CA5A: variants seen among roughly 807,000 people sequenced by gnomAD.
The protein encoded by CA5A is carbonic anhydrase 5A, also known as carbonic anhydrase 5A, mitochondrial.
In CA5A, 28 loss-of-function variants were observed where a neutral mutation model predicts 37.1. That is an observed-to-expected ratio of 0.75 (90% confidence interval 0.56 to 1.03). The LOEUF (loss-of-function observed/expected upper bound fraction) is 1.03. Among genes scored for constraint, CA5A ranks in the 50% least tolerant of loss-of-function variants. The pLI is 0.00. For missense variants in CA5A, 444 were observed against 399.9 expected (o/e 1.11, Z -0.94); for synonymous variants, 171 against 158.4 (o/e 1.08, Z -0.60).
At chr16:87,917,723 GCA>G (rs781369568) in intron 2 of CA5A, among the ~76,000 whole-genome samples, 4 of 74,636 alleles carry the variant, frequency 5.4e-5, no homozygotes, top group South Asian at 5.6e-4. Flanking sequence ...ATGAACACGT[GCA>G]CACACACATG....
chr16:87,899,546 G>A (rs1016866709), intron 5 of CA5A, among the ~76,000 whole-genome samples: 19 of 150,644 alleles, frequency 1.3e-4, no homozygotes, highest in African/African-American at 1.9e-4. Flanking sequence ...CAAGTGATAA[G>A]CCCGCCTTGG....
downstream of CA5A, chr16:87,887,832 A>G (rs2055660976): frequency 1.1e-5 from 3 of 281,016 alleles, no homozygotes; most frequent in South Asian, 2.3e-4. Flanking sequence ...ACTGAACCGT[A>G]AGAGAATCAA....
chr16:87,882,753 G>A (rs111836417), intron 4 of CA5A: 4,177 of 152,448 alleles, frequency 0.027, 59 homozygotes, highest in African/African-American at 0.049. Context: ...CGATGGAATC[G>A]AAGTCAGGCG....
At chr16:87,928,892 C>T (rs2056356174) in intron 1 of CA5A, among the ~76,000 whole-genome samples, 1 of 149,882 alleles carries the variant, frequency 6.7e-6, no homozygotes, top group Non-Finnish European at 1.5e-5. Flanking sequence ...CCTCAGCCTC[C>T]TGAGTAGCTC....
At chr16:87,898,624 T>A (rs978613102) in intron 5 of CA5A, among the ~76,000 whole-genome samples, 35 of 152,270 alleles carry the variant, frequency 2.3e-4, no homozygotes, top group African/African-American at 8.4e-4. Flanking sequence ...GACTTGAGTG[T>A]GTGAGTGTTG....
intron 2 of CA5A, among the ~76,000 whole-genome samples, 183 bp from the exon 3 acceptor site, chr16:87,905,087 GC>G (rs796364163): frequency 0.026 from 3,915 of 151,352 alleles, 109 homozygotes; most frequent in Non-Finnish European, 0.032. Context: ...CATTCACTCT[GC>G]CCCCCCCCAG....
At chr16:87,927,788 G>C (rs1407378696) in intron 1 of CA5A, among the ~76,000 whole-genome samples, 1 of 151,100 alleles carries the variant, frequency 6.6e-6, no homozygotes, top group East Asian at 2.0e-4. Flanking sequence ...GTGAACCCAG[G>C]AGGCAGAGGT....
chr16:87,895,890 T>A (rs2143921792), intron 5 of CA5A, among the ~76,000 whole-genome samples: 1 of 152,334 alleles, frequency 6.6e-6, no homozygotes, highest in South Asian at 2.1e-4. Context: ...TCTAGCTGGG[T>A]TGACATCCCA....
intron 5 of CA5A, among the ~76,000 whole-genome samples, chr16:87,896,125 G>A (rs2055798763): frequency 6.6e-6 from 1 of 152,212 alleles, no homozygotes; most frequent in African/African-American, 2.4e-5. Flanking sequence ...AGTATTTCTA[G>A]TTTACTGATG....
Position 87,891,953 on chromosome 16 carries a change from T to C in CA5A, c.620A>G (p.Asp207Gly). ...VDILPEIKHK[D>G]ARAAMRPFDP... Reference sequence around the variant, plus strand: ...GAAGGGGCGCATGGCCGCCCGCGCGTCCTGAGAGACCGAGAAGCACAGGAC... The same window carrying C: ...GAAGGGGCGCATGGCCGCCCGCGCGCCCTGAGAGACCGAGAAGCACAGGAC... Residue 207 changes from aspartate to glycine, a missense_variant and splice_region_variant, in exon 6 of 7, where the codon GAC becomes GGC. Asp to Gly is a moderately conservative substitution (Grantham distance 94). Transcript: ENST00000649794. 5 of 1,533,358 alleles carry C rather than the reference T, an allele frequency of 3.3e-6. No individual in the cohort carries two copies. Among genetic ancestry groups the C allele is most frequent in the Non-Finnish European group, 4.4e-6 (5 of 1,141,250 alleles). 95.0% of individuals were successfully genotyped at this position (1,533,358 alleles called of 1,614,324 possible).
intron 2 of CA5A, among the ~76,000 whole-genome samples, chr16:87,916,604 T>C (rs1037742572): frequency 2.6e-5 from 4 of 152,218 alleles, no homozygotes; most frequent in African/African-American, 9.6e-5. Context: ...CTTATGTACA[T>C]ATTCGTTTAT....
At chr16:87,929,641 G>A (rs1313281227) in intron 1 of CA5A, among the ~76,000 whole-genome samples, 1 of 151,870 alleles carries the variant, frequency 6.6e-6, no homozygotes, top group Non-Finnish European at 1.5e-5. Flanking sequence ...GGGAGGCCGA[G>A]GTGGGCGGAT....
At chr16:87,921,645 A>T (rs1640369341) in intron 2 of CA5A, among the ~76,000 whole-genome samples, 1 of 152,068 alleles carries the variant, frequency 6.6e-6, no homozygotes, top group African/African-American at 2.4e-5. Context: ...GGAGTCGGGG[A>T]TGGGCTCGCT....
chr16:87,916,884 C>A (rs1000643225), intron 2 of CA5A, among the ~76,000 whole-genome samples: 6 of 151,896 alleles, frequency 4.0e-5, no homozygotes, highest in African/African-American at 1.5e-4. Context: ...AGGAGGATCA[C>A]GAGGTCAGGA....
At position 87,927,209 on chromosome 16, in the gene CA5A, T is replaced by C. The variant is rs540783223; in HGVS notation, c.143-264A>G. Among the ~76,000 whole-genome samples the C allele has an allele frequency of 1.2e-4, 19 of 152,350 alleles. No individual in the cohort carries two copies. The East Asian group carries it at 3.7e-3, about 29-fold the overall frequency. ...TCTGGGCCCATGCCACCTGTGTTGA[T>C]GGGTTTTTGACTTTTGTGTTGCCCT... On this transcript the variant is annotated intron_variant, in intron 1 of 6. Transcript: ENST00000649794.
intron 2 of CA5A, chr16:87,924,134 G>C (rs959475460): frequency 1.0e-6 from 1 of 985,286 alleles, no homozygotes; most frequent in African/African-American, 1.7e-5. Context: ...CCCAAGATCT[G>C]GTTGTCCCAC....
chr16:87,902,018 T>G, intron 4 of CA5A, 44 bp from the exon 5 acceptor site: 2 of 1,542,360 alleles, frequency 1.3e-6, no homozygotes, highest in African/African-American at 2.7e-5. Flanking sequence ...AGGCAGTGGA[T>G]GGGGGGGGAA....
intron 3 of CA5A, among the ~76,000 whole-genome samples, chr16:87,904,043 T>G (rs558602437): frequency 6.6e-6 from 1 of 152,274 alleles, no homozygotes; most frequent in Admixed American, 6.5e-5. Context: ...AAAATAAGAC[T>G]GCTTTAAGAT....
Position 87,901,989 on chromosome 16 carries a change from A to G in CA5A, c.556-15T>C. ...TGGGCCCCGAGCTGCATGGCAGACA[A>G]AGGAGGGGTTAGCTGCAAAGGCAGT... On this transcript the variant is annotated splice_polypyrimidine_tract_variant and intron_variant, in intron 4 of 6. Coordinates refer to ENST00000649794, the MANE Select transcript of CA5A (RefSeq NM_001739.2). 1 of 1,612,686 alleles carries G rather than the reference A, an allele frequency of 6.2e-7. No homozygotes were observed. Among genetic ancestry groups the G allele is most frequent in the Non-Finnish European group, 8.5e-7 (1 of 1,178,914 alleles).
Sources: allele counts gnomAD v4.1 joint callset (sites outside exome capture counted in the v4.1 genomes callset), GRCh38; gene constraint gnomAD v4.1.1; transcripts MANE v1.5; gene names NCBI Gene and HGNC (gene_info 2026-07-23, HGNC 2026-07-21).